Variants in PRKN observed in about 807,000 individuals in gnomAD.
The protein encoded by PRKN is E3 ubiquitin-protein ligase parkin.
Under a neutral mutation model 59.5 loss-of-function variants are expected in PRKN, and 56 were observed. The observed-to-expected ratio is 0.94, with a 90% CI of 0.76 to 1.18. PRKN has a LOEUF of 1.18. PRKN is among the 50% of genes most tolerant of loss of function. The probability of loss-of-function intolerance (pLI) is 0.00; values close to 1 mark genes in which losing one functional copy is unlikely to be tolerated. For synonymous variants in PRKN, 250 were observed against 222.1 expected, an observed-to-expected ratio of 1.13 and a Z score of -1.12; for missense variants, 657 against 596.4, an observed-to-expected ratio of 1.10 and a Z score of -1.06.
At chr6:162,716,709 T>C (rs548974205) in intron 1 of PRKN, among the ~76,000 whole-genome samples, 95 of 105,312 alleles carry the variant, frequency 9.0e-4, no homozygotes, top group Non-Finnish European at 1.6e-3. Flanking sequence ...GAAAAGTGAG[T>C]TATGTCCTTG....
chr6:161,875,674 T>G (rs1343263966), intron 6 of PRKN, among the ~76,000 whole-genome samples: 1 of 152,102 alleles, frequency 6.6e-6, no homozygotes, highest in Non-Finnish European at 1.5e-5. Flanking sequence ...TCTGTCCGTT[T>G]TGACACAGGA....
At chr6:162,349,832 C>T (rs1365918658) in intron 2 of PRKN, among the ~76,000 whole-genome samples, 1 of 152,106 alleles carries the variant, frequency 6.6e-6, no homozygotes, top group Non-Finnish European at 1.5e-5. Context: ...CAACATTGTA[C>T]TGGAGGTTTT....
chr6:162,462,532 T>A (rs1273504033), intron 1 of PRKN, among the ~76,000 whole-genome samples: 2 of 152,140 alleles, frequency 1.3e-5, no homozygotes, highest in Non-Finnish European at 2.9e-5. Context: ...TGTGTGTGGA[T>A]GTGTGCGTAC....
At chr6:161,781,512 T>C (rs539357491) in intron 7 of PRKN, among the ~76,000 whole-genome samples, 9 of 152,350 alleles carry the variant, frequency 5.9e-5, no homozygotes, top group African/African-American at 2.2e-4. Context: ...ACACAATTAA[T>C]ATTTAGTAGA....
Position 161,399,612 on chromosome 6 carries a change from G to A in PRKN, c.1084-12735C>T, listed in dbSNP as rs1240456028. ...ATGTCCTGCAACCGGGGTGGGTCAG[G>A]GAACTCTCCCGTTTCAGCAGTAAGA... On this transcript the variant is annotated intron_variant, in intron 9 of 11. Coordinates refer to ENST00000366898, the MANE Select transcript of PRKN (RefSeq NM_004562.3). This position sits in a 1 kb window ranked among gnomAD's most constrained non-coding sequence, Gnocchi z 4.4. Among the ~76,000 whole-genome samples, 4 of 152,128 alleles carry A rather than the reference G, an allele frequency of 2.6e-5. No homozygotes were observed. Among genetic ancestry groups the A allele is most frequent in the African/African-American group, 9.7e-5 (4 of 41,412 alleles).
chr6:161,514,184 A>T (rs1778502354), intron 9 of PRKN, among the ~76,000 whole-genome samples: 1 of 152,054 alleles, frequency 6.6e-6, no homozygotes, highest in East Asian at 1.9e-4. Flanking sequence ...AAAGGAGTAG[A>T]GAGAGTGGAA....
intron 7 of PRKN, among the ~76,000 whole-genome samples, chr6:161,767,452 G>A (rs2128200906): frequency 6.6e-6 from 1 of 151,498 alleles, no homozygotes; most frequent in African/African-American, 2.4e-5. Context: ...GGGAGGCGGA[G>A]CTTGCAGTGA....
chr6:162,030,548 C>T (rs768969341), intron 5 of PRKN, among the ~76,000 whole-genome samples: 30 of 152,162 alleles, frequency 2.0e-4, no homozygotes, highest in Non-Finnish European at 5.9e-5. Flanking sequence ...CTTCCTCCAA[C>T]CTTCATGGTT....
At chr6:162,395,515 C>T (rs1251658104) in intron 2 of PRKN, among the ~76,000 whole-genome samples, 1 of 152,172 alleles carries the variant, frequency 6.6e-6, no homozygotes, top group Non-Finnish European at 1.5e-5. Context: ...ATCTAACTGC[C>T]ATTGCATGAG....
At chr6:162,267,507 A>G (rs950998050) in intron 2 of PRKN, among the ~76,000 whole-genome samples, 6 of 152,230 alleles carry the variant, frequency 3.9e-5, no homozygotes, top group African/African-American at 1.2e-4. Flanking sequence ...GCTACCTTAG[A>G]GCAGAAACAA....
At chr6:161,778,525 C>T (rs186634311) in intron 7 of PRKN, among the ~76,000 whole-genome samples, 25 of 152,250 alleles carry the variant, frequency 1.6e-4, no homozygotes, top group East Asian at 1.4e-3. Flanking sequence ...GTAGTCCCCA[C>T]GGGGGCTCAA....
At chr6:161,708,324 T>C (rs1037071675) in intron 7 of PRKN, among the ~76,000 whole-genome samples, 2 of 152,182 alleles carry the variant, frequency 1.3e-5, no homozygotes, top group Admixed American at 1.3e-4. Flanking sequence ...AATTTTCTTT[T>C]ATGGAATTAT....
intron 4 of PRKN, among the ~76,000 whole-genome samples, chr6:162,191,002 G>A (rs1047944189): frequency 6.6e-6 from 1 of 152,164 alleles, no homozygotes; most frequent in Non-Finnish European, 1.5e-5. Context: ...ACAGGCACTG[G>A]AGAAAAGTAG....
chr6:161,706,519 C>T (rs867807226), intron 7 of PRKN, among the ~76,000 whole-genome samples: 5 of 152,178 alleles, frequency 3.3e-5, no homozygotes, highest in Admixed American at 6.5e-5. Context: ...GCAACTGGCA[C>T]GCAGGAAGGA....
chr6:162,721,946 G>T (rs1329280534), intron 1 of PRKN, among the ~76,000 whole-genome samples: 1 of 152,148 alleles, frequency 6.6e-6, no homozygotes, highest in Non-Finnish European at 1.5e-5. Context: ...ATGAACAAAA[G>T]AAACATGAAA....
At chr6:161,619,661 T>A (rs1455714642) in intron 7 of PRKN, among the ~76,000 whole-genome samples, 1 of 152,166 alleles carries the variant, frequency 6.6e-6, no homozygotes, top group East Asian at 1.9e-4. Flanking sequence ...GAAGCAGCAG[T>A]AGCCCTTGAC....
At chr6:162,679,537 GA>G (rs1584035616) in intron 1 of PRKN, among the ~76,000 whole-genome samples, 2 of 152,094 alleles carry the variant, frequency 1.3e-5, no homozygotes, top group East Asian at 3.9e-4. Context: ...TTGTCATTTG[GA>G]AGTCTTATAG....
intron 5 of PRKN, among the ~76,000 whole-genome samples, chr6:162,005,765 T>C (rs1048023391): frequency 3.3e-5 from 5 of 152,172 alleles, no homozygotes; most frequent in Admixed American, 1.3e-4. Context: ...ATATCAAATC[T>C]AACCTTTTTT....
chr6:162,607,014 G>A (rs1781947340), intron 1 of PRKN, among the ~76,000 whole-genome samples: 1 of 152,086 alleles, frequency 6.6e-6, no homozygotes. Flanking sequence ...TGCCCAGCCC[G>A]GTTATTTATT....
Sources: allele counts gnomAD v4.1 joint callset (sites outside exome capture counted in the v4.1 genomes callset), GRCh38; gene constraint gnomAD v4.1.1; non-coding constraint Gnocchi (gnomAD v3.1); transcripts MANE v1.5; gene names NCBI Gene and HGNC (gene_info 2026-07-23, HGNC 2026-07-21).